The following ATRN variants were observed in gnomAD, a reference collection of about 807,000 sequenced individuals.
The protein encoded by ATRN is attractin-2.
A neutral mutation model predicts 178.7 loss-of-function variants in ATRN; 54 were observed. That is an observed-to-expected ratio of 0.30 (90% CI 0.24 to 0.38). ATRN has a LOEUF of 0.38. Ranked by LOEUF, ATRN falls within the 10% of genes least tolerant of loss-of-function variation. ATRN has a pLI of 1.00. For synonymous variants in ATRN, 636 were observed against 663.0 expected (o/e 0.96, Z 0.63); for missense variants, 1,443 against 1,815.1 (o/e 0.79, Z 3.73).
At chr20:3,630,696 A>G (rs6051987) in intron 25 of ATRN, among the ~76,000 whole-genome samples, 7 of 152,276 alleles carry the variant, frequency 4.6e-5, no homozygotes, top group South Asian at 4.1e-4. Flanking sequence ...TTTCAGGCCC[A>G]TGGCCTCTTG....
chr20:3,471,287 G>A lies in ATRN; in HGVS notation c.180G>A (p.Arg60=). Reference sequence around the variant, plus strand: ...TGCTGTCTCCACCGCTGCGGCCACGGCTGCTGCTGCTGCTGTTGTTGCTCT... The same window carrying A: ...TGCTGTCTCCACCGCTGCGGCCACGACTGCTGCTGCTGCTGTTGTTGCTCT... ...PRLLSPPLRP[R]LLLLLLLLSP... is the part of the protein sequence containing the mutation. Residue 60 remains arginine, a synonymous_variant, in exon 1 of 29, where the codon CGG becomes CGA. Transcript: ENST00000262919. 1 of 1,457,964 alleles carries A rather than the reference G, an allele frequency of 6.9e-7. No individual in the cohort carries two copies. The highest frequency in any genetic ancestry group is 9.0e-7 in the Non-Finnish European group (1 of 1,114,304). The allele number at this position is 1,457,964 out of a possible 1,614,324, so 90.3% of individuals were successfully genotyped here. A position where few individuals can be genotyped will look rare whatever the true frequency, so the allele number is the denominator to read the frequency against.
chr20:3,515,404 T>C (rs1433044545), intron 1 of ATRN, among the ~76,000 whole-genome samples: 1 of 151,988 alleles, frequency 6.6e-6, no homozygotes, highest in Non-Finnish European at 1.5e-5. Flanking sequence ...TTTTTAGAGA[T>C]TGGGAAGGCA....
At position 3,645,428 on chromosome 20, in the gene ATRN, A is replaced by G. The variant is rs1027056630; in HGVS notation, c.4165+1160A>G. Among the ~76,000 whole-genome samples the G allele has an allele frequency of 1.3e-5, 2 of 152,040 alleles. No homozygotes were observed. Among genetic ancestry groups the G allele is most frequent in the Non-Finnish European group, 2.9e-5 (2 of 68,010 alleles). On this transcript the variant is annotated intron_variant, in intron 28 of 28. Transcript: ENST00000262919. This position sits in a 1 kb window ranked among gnomAD's most constrained non-coding sequence, Gnocchi z 4.7. ...CCTTGCCTGTGTTGAGGACAGGACA[A>G]CTCTCTCGTCTGTCACTCAAGTGCA... is the stretch of plus-strand genomic sequence containing the variant.
intron 1 of ATRN, among the ~76,000 whole-genome samples, chr20:3,509,310 C>G (rs238692): frequency 0.27 from 40,585 of 151,890 alleles, 5,974 homozygotes; most frequent in African/African-American, 0.33. Flanking sequence ...ACTCTTAACC[C>G]ACAGACAGCT....
intron 1 of ATRN, among the ~76,000 whole-genome samples, chr20:3,505,943 T>C (rs1396050604): frequency 1.3e-5 from 2 of 152,204 alleles, no homozygotes; most frequent in Non-Finnish European, 2.9e-5. Flanking sequence ...GTATGCTGAT[T>C]GTAAAAGGGC....
rs191211030 is a variant in ATRN, at chr20:3,565,318, C to G, written c.1787-30C>G. 3 of 1,558,116 alleles carry G rather than the reference C, an allele frequency of 1.9e-6. No individual in the cohort carries two copies. The African/African-American group carries it at 4.1e-5, about 21-fold the overall frequency. Reference sequence around the variant, plus strand: ...GTCCTGTTGATTAGAAATGGTAGTCCGTTTAAAAATATATTTTTCTTTCTC... The same window carrying G: ...GTCCTGTTGATTAGAAATGGTAGTCGGTTTAAAAATATATTTTTCTTTCTC... On this transcript the variant is annotated intron_variant, in intron 10 of 28. Coordinates refer to ENST00000262919, the MANE Select transcript of ATRN (RefSeq NM_139321.3).
chr20:3,530,151 TA>T (rs2085431409), intron 1 of ATRN, among the ~76,000 whole-genome samples: 3 of 150,440 alleles, frequency 2.0e-5, no homozygotes, highest in Non-Finnish European at 4.4e-5. Flanking sequence ...CTTGTATGGC[TA>T]AAAAGCTTAA....
intron 1 of ATRN, 31 bp from the exon 2 acceptor site, chr20:3,535,222 C>G (rs1201017492): frequency 8.5e-7 from 1 of 1,173,408 alleles, no homozygotes; most frequent in Admixed American, 2.5e-5. Context: ...ATATAGCAGA[C>G]TTAAGTTTTC....
intron 1 of ATRN, among the ~76,000 whole-genome samples, chr20:3,518,076 C>T (rs2085230772): frequency 6.6e-6 from 1 of 152,238 alleles, no homozygotes; most frequent in Non-Finnish European, 1.5e-5. Context: ...TCAGTGTGTT[C>T]TGTACATACA....
chr20:3,633,510 T>C (rs2087003899), intron 25 of ATRN, among the ~76,000 whole-genome samples: 1 of 152,230 alleles, frequency 6.6e-6, no homozygotes, highest in African/African-American at 2.4e-5. Flanking sequence ...GAGAGCCTTA[T>C]GTCTACATGT....
At chr20:3,548,501 T>C (rs1186314121) in intron 5 of ATRN, among the ~76,000 whole-genome samples, 1 of 149,936 alleles carries the variant, frequency 6.7e-6, no homozygotes, top group Non-Finnish European at 1.5e-5. Flanking sequence ...CTTGGGAGGC[T>C]GAGGCAGGAG....
intron 24 of ATRN, among the ~76,000 whole-genome samples, chr20:3,623,093 G>A (rs766679666): frequency 6.6e-6 from 1 of 152,220 alleles, no homozygotes; most frequent in Non-Finnish European, 1.5e-5. Context: ...CAGGGCTGGG[G>A]TGGACTCTAA....
chr20:3,627,166 G>T (rs1468284931), intron 25 of ATRN, among the ~76,000 whole-genome samples: 1 of 152,196 alleles, frequency 6.6e-6, no homozygotes, highest in East Asian at 1.9e-4. Context: ...CTTGTGGGTT[G>T]CAGTTAAAGT....
chr20:3,636,492 C>A (rs181493168), intron 26 of ATRN, among the ~76,000 whole-genome samples: 2 of 152,270 alleles, frequency 1.3e-5, no homozygotes, highest in Admixed American at 1.3e-4. Context: ...ACCTTTTTAA[C>A]GCTATGAAGA....
intron 27 of ATRN, among the ~76,000 whole-genome samples, chr20:3,639,428 T>C (rs2087050603): frequency 6.6e-6 from 1 of 152,078 alleles, no homozygotes; most frequent in Non-Finnish European, 1.5e-5. Flanking sequence ...GATTTTTGTA[T>C]TTTTAGTGGA....
intron 1 of ATRN, among the ~76,000 whole-genome samples, chr20:3,485,515 G>A (rs571721239): frequency 6.7e-6 from 1 of 149,456 alleles, no homozygotes; most frequent in African/African-American, 2.5e-5. Flanking sequence ...TTAATTGTTA[G>A]ACCATCTTTG....
chr20:3,504,688 G>GATA (rs60176330), intron 1 of ATRN, among the ~76,000 whole-genome samples: 3,723 of 135,854 alleles, frequency 0.027, 61 homozygotes, highest in East Asian at 0.058. Flanking sequence ...TCTGTCTTAA[G>GATA]ATAATAATAA....
rs375734861 is a variant in ATRN, at chr20:3,644,288, C to A, written c.4165+20C>A. On this transcript the variant is annotated intron_variant, in intron 28 of 28. Transcript: ENST00000262919. ...AGTCAGGTGAGTAGATGCGGTCCAG[C>A]GAAAGACACCTTCTAAGCATGTGAG... The A allele has an allele frequency of 2.8e-5, 43 of 1,557,056 alleles. No homozygotes were observed. The highest frequency in any genetic ancestry group is 3.8e-5 in the Non-Finnish European group (43 of 1,128,174).
rs1269360202 is a variant in ATRN, at chr20:3,608,544, T to G, written c.3801+4282T>G. Reference sequence around the variant, plus strand: ...AATATGTGGATTTATTTCTGAGTTCTTTATTTTGTTCCACTGGTCCGTGTA... The same window carrying G: ...AATATGTGGATTTATTTCTGAGTTCGTTATTTTGTTCCACTGGTCCGTGTA... On this transcript the variant is annotated intron_variant, in intron 24 of 28. Transcript: ENST00000262919. Among the ~76,000 whole-genome samples, 3 of 152,240 alleles carry G rather than the reference T, an allele frequency of 2.0e-5. No individual in the cohort carries two copies. The East Asian group carries it at 5.8e-4, about 29-fold the overall frequency.
Sources: gnomAD v4.1 joint callset for allele counts (sites outside exome capture counted in the v4.1 genomes callset) on GRCh38, gnomAD v4.1.1 for gene constraint, Gnocchi (gnomAD v3.1) non-coding constraint, MANE v1.5 for transcripts, NCBI Gene and HGNC (gene_info 2026-07-23, HGNC 2026-07-21) for gene names.